The following PARD3 variants were observed in gnomAD, a reference collection of about 807,000 sequenced individuals.
PARD3 encodes the protein partitioning defective 3 homolog.
In PARD3, 75 loss-of-function variants were observed where a neutral mutation model predicts 155.4. The observed-to-expected ratio is 0.48, with a 90% CI of 0.40 to 0.58. PARD3 has a LOEUF of 0.58. PARD3 is among the 20% of genes least tolerant of loss of function. The pLI is 0.00. For missense variants in PARD3, 1,642 were observed against 1,721.7 expected, an observed-to-expected ratio of 0.95 and a Z score of 0.82; for synonymous variants, 576 against 610.5, an observed-to-expected ratio of 0.94 and a Z score of 0.83.
intron 2 of PARD3, among the ~76,000 whole-genome samples, chr10:34,588,637 G>A (rs1041202230): frequency 5.9e-5 from 9 of 152,098 alleles, no homozygotes; most frequent in Non-Finnish European, 1.2e-4. Context: ...TGGGCTGCCC[G>A]ATTCTCCTTG....
At chr10:34,391,433 T>C (rs930063545) in intron 7 of PARD3, among the ~76,000 whole-genome samples, 3 of 152,146 alleles carry the variant, frequency 2.0e-5, no homozygotes, top group Non-Finnish European at 2.9e-5. Context: ...GTGGTGTTGA[T>C]TCCATACAGT....
intron 1 of PARD3, among the ~76,000 whole-genome samples, chr10:34,769,866 TACACAC>T: frequency 6.6e-6 from 1 of 150,734 alleles, no homozygotes; most frequent in East Asian, 2.0e-4. Context: ...CTCAAATTCA[TACACAC>T]ACACACACAA....
chr10:34,774,143 A>G (rs573835339), intron 1 of PARD3, among the ~76,000 whole-genome samples: 4 of 152,326 alleles, frequency 2.6e-5, no homozygotes, highest in Admixed American at 2.6e-4. Flanking sequence ...CAGAGTCACA[A>G]ATGAGTCATA....
chr10:34,168,311 C>T (rs1179760283), intron 22 of PARD3, among the ~76,000 whole-genome samples: 2 of 152,128 alleles, frequency 1.3e-5, no homozygotes, highest in South Asian at 2.1e-4. Flanking sequence ...TCCCTTGCTG[C>T]GTACTTTGAT....
At chr10:34,696,768 AC>A (rs1423158576) in intron 1 of PARD3, among the ~76,000 whole-genome samples, 2 of 150,994 alleles carry the variant, frequency 1.3e-5, no homozygotes, top group African/African-American at 4.9e-5. Flanking sequence ...ATACTTATTA[AC>A]CCCCAATGCA....
intron 2 of PARD3, among the ~76,000 whole-genome samples, chr10:34,547,164 T>G (rs2084147403): frequency 6.6e-6 from 1 of 152,240 alleles, no homozygotes; most frequent in Non-Finnish European, 1.5e-5. Context: ...GATACTCCCT[T>G]TGTCAGCCTG....
At chr10:34,741,990 CAG>C (rs1261673489) in intron 1 of PARD3, among the ~76,000 whole-genome samples, 2 of 152,122 alleles carry the variant, frequency 1.3e-5, no homozygotes, top group Non-Finnish European at 2.9e-5. Flanking sequence ...CGACAATACT[CAG>C]AAGCAATGAG....
chr10:34,549,044 G>A (rs115586281), intron 2 of PARD3, among the ~76,000 whole-genome samples: 3 of 152,212 alleles, frequency 2.0e-5, no homozygotes, highest in Non-Finnish European at 4.4e-5. Context: ...CTCAGAGCTC[G>A]ACAGTTGCAT....
chr10:34,414,619 C>T (rs1845472880), intron 5 of PARD3, among the ~76,000 whole-genome samples: 1 of 150,938 alleles, frequency 6.6e-6, no homozygotes, highest in African/African-American at 2.4e-5. Context: ...AGTTCAAGAC[C>T]AGCCTGGGCA....
intron 2 of PARD3, among the ~76,000 whole-genome samples, chr10:34,587,744 C>G (rs1313535406): frequency 6.6e-6 from 1 of 152,142 alleles, no homozygotes; most frequent in Non-Finnish European, 1.5e-5. Flanking sequence ...GAGTTTCGTG[C>G]AAGTACTATG....
rs146597307 is a variant in PARD3, at chr10:34,348,252, C to G, written c.2068-137G>C. 3.5e-3 allele frequency: 2,236 copies of G among 635,618 alleles called. 10 individuals are homozygous for G. The highest frequency in any genetic ancestry group is 8.3e-3 in the Middle Eastern group (18 of 2,176). 39.4% of individuals were successfully genotyped at this position (635,618 alleles called of 1,614,324 possible). ...TGAACTAGAACTTTTCACCCTGTAC[C>G]AAAATAATTTGTGATGACAGCTCTG... On this transcript the variant is annotated intron_variant, in intron 14 of 24. Transcript: ENST00000374788.
intron 18 of PARD3, among the ~76,000 whole-genome samples, 194 bp downstream of exon 18, chr10:34,336,005 G>A (rs1054659310): frequency 1.3e-5 from 2 of 152,016 alleles, no homozygotes; most frequent in African/African-American, 4.8e-5. Context: ...TTACTATTTA[G>A]TAAGTACACC....
intron 2 of PARD3, among the ~76,000 whole-genome samples, chr10:34,559,634 C>T (rs1054061438): frequency 6.6e-6 from 1 of 152,094 alleles, no homozygotes; most frequent in Non-Finnish European, 1.5e-5. Flanking sequence ...TCAAGATTCT[C>T]GAAGTGAATG....
chr10:34,307,218 C>T lies in PARD3; in HGVS notation c.3065+9889G>A, dbSNP rs946273867. On this transcript the variant is annotated intron_variant, in intron 20 of 24. Transcript: ENST00000374788. The stretch of plus-strand genomic sequence containing the variant: ...AAGTTTTATTTATTCATTCACTCAA[C>T]ACTGTTTTAGTCTGGATTTAATCAC... Among the ~76,000 whole-genome samples the T allele has an allele frequency of 6.6e-5, 10 of 152,070 alleles. No homozygotes were observed. The East Asian group carries it at 9.7e-4, about 15-fold the overall frequency.
intron 1 of PARD3, among the ~76,000 whole-genome samples, chr10:34,773,546 C>T (rs1025134865): frequency 1.3e-5 from 2 of 152,134 alleles, no homozygotes; most frequent in African/African-American, 2.4e-5. Context: ...ATTGCTGTTC[C>T]GAGAAGATGC....
intron 20 of PARD3, among the ~76,000 whole-genome samples, chr10:34,292,183 G>A (rs1347654514): frequency 6.6e-6 from 1 of 152,140 alleles, no homozygotes; most frequent in Non-Finnish European, 1.5e-5. Context: ...AAAATAACAA[G>A]GAATTCACTG....
At chr10:34,634,361 T>C (rs2092391723) in intron 2 of PARD3, among the ~76,000 whole-genome samples, 1 of 152,130 alleles carries the variant, frequency 6.6e-6, no homozygotes, top group African/African-American at 2.4e-5. Flanking sequence ...AAAATGCTCA[T>C]ATATGTGCAG....
intron 22 of PARD3, among the ~76,000 whole-genome samples, chr10:34,149,523 A>T (rs902325617): frequency 9.9e-5 from 15 of 152,266 alleles, no homozygotes; most frequent in African/African-American, 3.4e-4. Flanking sequence ...AAGCTATATT[A>T]AAAAATGTTA....
chr10:34,490,552 G>A (rs1317625907), intron 3 of PARD3, among the ~76,000 whole-genome samples: 9 of 152,164 alleles, frequency 5.9e-5, no homozygotes, highest in East Asian at 5.8e-4. Context: ...TTTGCCTCCC[G>A]AAAGTGCTGG....
Sources: allele counts gnomAD v4.1 joint callset (sites outside exome capture counted in the v4.1 genomes callset), GRCh38; gene constraint gnomAD v4.1.1; transcripts MANE v1.5; gene names NCBI Gene and HGNC (gene_info 2026-07-23, HGNC 2026-07-21).